The following MICAL3 variants were observed in gnomAD, a reference collection of about 807,000 sequenced individuals.
The protein encoded by MICAL3 is [F-actin]-monooxygenase MICAL3.
A neutral mutation model predicts 207.4 loss-of-function variants in MICAL3; 62 were observed. The observed-to-expected ratio is 0.30, with a 90% confidence interval of 0.24 to 0.37. MICAL3 has a LOEUF of 0.37. MICAL3 is among the 10% of genes least tolerant of loss of function. The pLI, the probability that MICAL3 is intolerant of heterozygous loss-of-function variation, is 1.00. For missense variants in MICAL3, 2,368 were observed against 2,635.6 expected, an observed-to-expected ratio of 0.90 and a Z score of 2.22; for synonymous variants, 1,077 against 1,069.3, an observed-to-expected ratio of 1.01 and a Z score of -0.14.
At chr22:17,898,602 T>C (rs1022429623) in intron 7 of MICAL3, among the ~76,000 whole-genome samples, 11 of 152,262 alleles carry the variant, frequency 7.2e-5, no homozygotes, top group Non-Finnish European at 1.5e-4. Flanking sequence ...GTGAGTCTCT[T>C]GTGGGAACTG....
chr22:17,826,039 C>T (rs1025658173), intron 22 of MICAL3, among the ~76,000 whole-genome samples: 1 of 152,174 alleles, frequency 6.6e-6, no homozygotes, highest in East Asian at 1.9e-4. Flanking sequence ...TCCCATAAAC[C>T]CCCTGGTTTT....
chr22:17,935,810 C>G (rs1318166745), intron 1 of MICAL3, among the ~76,000 whole-genome samples: 1 of 152,150 alleles, frequency 6.6e-6, no homozygotes, highest in African/African-American at 2.4e-5. Context: ...ATGCAGCCAA[C>G]AGACACATGA....
intron 1 of MICAL3, among the ~76,000 whole-genome samples, chr22:17,979,625 C>T (rs1015956314): frequency 2.6e-5 from 4 of 152,102 alleles, no homozygotes; most frequent in Admixed American, 6.5e-5. Flanking sequence ...GAATTCCCCA[C>T]GGCATCCAGC....
Position 17,906,787 on chromosome 22 carries a change from A to G in MICAL3, c.26T>C (p.Met9Thr). ...GTCAAAGAGGACATGAGCTGGGTTC[A>G]TGGTCTCATGCTTCCTCTCCTCCAT... MEERKHET[M>T]NPAHVLFDRF... Residue 9 changes from methionine (M) to threonine (T), a missense_variant, in exon 2 of 32, where the codon ATG becomes ACG. By Grantham distance (81) the Met-to-Thr change is moderately conservative. Coordinates refer to ENST00000441493, the MANE Select transcript of MICAL3 (RefSeq NM_015241.3). The G allele has an allele frequency of 6.2e-7, 1 of 1,610,510 alleles. No individual in the cohort carries two copies. Among genetic ancestry groups the G allele is most frequent in the Non-Finnish European group, 8.5e-7 (1 of 1,177,740 alleles).
rs779564583 is a variant in MICAL3, at chr22:17,790,957, G to A, written c.5824+41C>T. ...GGCATGAGGTGAGGGGCCTGGAGGT[G>A]GCACCCACCCTGGCCTCCATGGGTG... On this transcript the variant is annotated intron_variant, in intron 31 of 31. Transcript: ENST00000441493. The A allele has an allele frequency of 2.5e-6, 4 of 1,612,998 alleles. No homozygotes were observed. In the Admixed American group the frequency reaches 5.0e-5, roughly 20 times the overall value.
rs943247629 is a variant in MICAL3 at position 17,974,514 on chromosome 22, T to C, written c.-75+49767A>G. On this transcript the variant is annotated intron_variant, in intron 1 of 31. Coordinates refer to ENST00000441493, the MANE Select transcript of MICAL3 (RefSeq NM_015241.3). ...ATTGCTTGAACCTGGGAGGTGGAGGTTGGCGTTCCAGACCAGCCTGGCCAA... is the reference window on the plus strand; with the variant it reads ...ATTGCTTGAACCTGGGAGGTGGAGGCTGGCGTTCCAGACCAGCCTGGCCAA... Among the ~76,000 whole-genome samples, 4 of 151,800 alleles carry C rather than the reference T, an allele frequency of 2.6e-5. No individual in the cohort carries two copies. The South Asian group carries it at 6.3e-4, about 24-fold the overall frequency.
chr22:17,849,758 A>T (rs1274032702), intron 19 of MICAL3, among the ~76,000 whole-genome samples: 1 of 139,172 alleles, frequency 7.2e-6, no homozygotes, highest in Non-Finnish European at 1.5e-5. Flanking sequence ...GCAGTGGTGC[A>T]ACCTCGGCTC....
At chr22:17,970,329 T>G (rs577637434) in intron 1 of MICAL3, among the ~76,000 whole-genome samples, 1 of 152,032 alleles carries the variant, frequency 6.6e-6, no homozygotes, top group Admixed American at 6.6e-5. Context: ...GGCCCATGCT[T>G]AGAGGATGTT....
chr22:17,893,695 T>C lies in MICAL3; in HGVS notation c.1546+113A>G, dbSNP rs985656333. 4.0e-5 allele frequency: 31 copies of C among 767,546 alleles called. No homozygotes were observed. In the African/African-American group the frequency reaches 4.7e-4, roughly 12 times the overall value. 47.5% of individuals were successfully genotyped at this position (767,546 alleles called of 1,614,324 possible). A position where few individuals can be genotyped will look rare whatever the true frequency, so the allele number is the denominator to read the frequency against. On this transcript the variant is annotated intron_variant, in intron 11 of 31. Coordinates refer to ENST00000441493, the MANE Select transcript of MICAL3 (RefSeq NM_015241.3). ...AATCACCCTGGGTTGAGAGCCACTGTCTCAGACAGTACTTCGGCCACTGCC... is the reference window on the plus strand; with the variant it reads ...AATCACCCTGGGTTGAGAGCCACTGCCTCAGACAGTACTTCGGCCACTGCC...
chr22:17,904,246 T>C (rs1240863986), intron 3 of MICAL3, among the ~76,000 whole-genome samples: 1 of 152,252 alleles, frequency 6.6e-6, no homozygotes, highest in Non-Finnish European at 1.5e-5. Context: ...GACAGCTGCA[T>C]GCTTGTGTAC....
At chr22:17,872,568 TG>T (rs1927833199) in intron 16 of MICAL3, among the ~76,000 whole-genome samples, 1 of 152,250 alleles carries the variant, frequency 6.6e-6, no homozygotes, top group East Asian at 1.9e-4. Flanking sequence ...TGTGGGTCCC[TG>T]GACTCACACA....
At chr22:17,990,400 G>A (rs1921541077) in intron 1 of MICAL3, among the ~76,000 whole-genome samples, 1 of 152,166 alleles carries the variant, frequency 6.6e-6, no homozygotes, top group South Asian at 2.1e-4. Context: ...TCCATTCCAA[G>A]TTTCATGAGC....
chr22:17,982,721 T>TAACA lies in MICAL3; in HGVS notation c.-75+41556_-75+41559dup, dbSNP rs1203957660. Among the ~76,000 whole-genome samples the TAACA allele has an allele frequency of 4.1e-3, 516 of 125,552 alleles. 4 individuals carry two copies. Among genetic ancestry groups the TAACA allele is most frequent in the African/African-American group, 0.011 (373 of 32,980 alleles). The allele number at this position is 125,552 out of a possible 152,430, so 82.4% of individuals were successfully genotyped here. The stretch of plus-strand genomic sequence containing the variant: ...ATAACATAACATAACATAACAAACA[T>TAACA]AACATAACATAAAAATAAAATAAAA... On this transcript the variant is annotated intron_variant, in intron 1 of 31. Coordinates refer to ENST00000441493, the MANE Select transcript of MICAL3 (RefSeq NM_015241.3).
Position 17,953,947 on chromosome 22 carries a change from A to G in MICAL3, c.-74-47061T>C, listed in dbSNP as rs200032189. ...CTCCATCTCAAAAAAAAAAAAAAAA[A>G]AAAAAAAAAAAAAAAAAAAAGAAAA... On this transcript the variant is annotated intron_variant, in intron 1 of 31. Transcript: ENST00000441493. Among the ~76,000 whole-genome samples the G allele has an allele frequency of 3.1e-3, 113 of 36,428 alleles. 1 individual carries two copies. Among genetic ancestry groups the G allele is most frequent in the East Asian group, 5.7e-3 (6 of 1,058 alleles). 23.9% of individuals were successfully genotyped at this position (36,428 alleles called of 152,430 possible). A position where few individuals can be genotyped will look rare whatever the true frequency, so the allele number is the denominator to read the frequency against.
At chr22:17,856,501 TGC>T (rs1246922816) in intron 19 of MICAL3, among the ~76,000 whole-genome samples, 3 of 151,740 alleles carry the variant, frequency 2.0e-5, no homozygotes, top group African/African-American at 4.8e-5. Context: ...AGCGTTCCCG[TGC>T]CTCTACCAAC....
intron 21 of MICAL3, among the ~76,000 whole-genome samples, chr22:17,829,199 T>C (rs2146037138): frequency 6.7e-6 from 1 of 149,668 alleles, no homozygotes; most frequent in Non-Finnish European, 1.5e-5. Flanking sequence ...GAAGTGTCGC[T>C]CTTGTTGCCC....
chr22:17,986,221 A>C (rs1921001707), intron 1 of MICAL3, among the ~76,000 whole-genome samples: 1 of 152,196 alleles, frequency 6.6e-6, no homozygotes, highest in African/African-American at 2.4e-5. Flanking sequence ...ATGACTCTTA[A>C]GAGGTCCGTA....
intron 27 of MICAL3, chr22:17,811,297 T>C (rs2062045348): frequency 6.5e-6 from 1 of 154,432 alleles, no homozygotes; most frequent in Admixed American, 6.4e-5. Flanking sequence ...GAAATCGGGA[T>C]CCTTTTATTT....
At chr22:17,985,569 A>C (rs1920971075) in intron 1 of MICAL3, among the ~76,000 whole-genome samples, 2 of 152,144 alleles carry the variant, frequency 1.3e-5, no homozygotes, top group African/African-American at 2.4e-5. Flanking sequence ...GGGAAGCAGA[A>C]GTAAATGGCG....
Sources: allele counts gnomAD v4.1 joint callset (sites outside exome capture counted in the v4.1 genomes callset), GRCh38; gene constraint gnomAD v4.1.1; transcripts MANE v1.5; gene names NCBI Gene and HGNC (gene_info 2026-07-23, HGNC 2026-07-21).